The following BTBD10 variants were observed in gnomAD, a reference collection of about 807,000 sequenced individuals.
The protein encoded by BTBD10 is BTB domain containing 10.
In BTBD10, 21 loss-of-function variants were observed where a neutral mutation model predicts 53.2. The observed-to-expected ratio is 0.39, with a 90% CI of 0.28 to 0.57. The LOEUF (loss-of-function observed/expected upper bound fraction) is 0.57, where lower values mean the gene tolerates loss of function less well. BTBD10 is among the 20% of genes least tolerant of loss of function. The pLI, the probability that BTBD10 is intolerant of heterozygous loss-of-function variation, is 0.53. For synonymous variants in BTBD10, 149 were observed against 192.7 expected (o/e 0.77, Z 1.88); for missense variants, 360 against 594.7 (o/e 0.61, Z 4.10).
intron 8 of BTBD10, among the ~76,000 whole-genome samples, chr11:13,392,826 T>C (rs1238541585): frequency 2.0e-5 from 3 of 152,178 alleles, no homozygotes; most frequent in Non-Finnish European, 4.4e-5. Context: ...ATTTTAGAGT[T>C]TGTTGTCTTA....
intron 2 of BTBD10, among the ~76,000 whole-genome samples, chr11:13,432,709 A>G (rs898050220): frequency 1.1e-4 from 16 of 152,114 alleles, no homozygotes; most frequent in African/African-American, 3.9e-4. Flanking sequence ...AATAAGAAAA[A>G]GTTCTGAGAA....
At chr11:13,428,018 C>T (rs967216844) in intron 2 of BTBD10, among the ~76,000 whole-genome samples, 1 of 151,896 alleles carries the variant, frequency 6.6e-6, no homozygotes, top group Non-Finnish European at 1.5e-5. Flanking sequence ...TAAATTCCTA[C>T]ATTAGAAAAG....
At chr11:13,433,861 A>C (rs1038393931) in intron 2 of BTBD10, among the ~76,000 whole-genome samples, 1 of 152,164 alleles carries the variant, frequency 6.6e-6, no homozygotes, top group Non-Finnish European at 1.5e-5. Flanking sequence ...CAAACTTCTA[A>C]ATAGATTTAA....
At chr11:13,391,793 A>C (rs1024504319) in intron 8 of BTBD10, among the ~76,000 whole-genome samples, 3 of 152,186 alleles carry the variant, frequency 2.0e-5, no homozygotes, top group Non-Finnish European at 2.9e-5. Flanking sequence ...AAAATACAAA[A>C]ATTAGCTGGG....
chr11:13,436,608 G>GTTAA (rs1251889442), intron 2 of BTBD10, among the ~76,000 whole-genome samples: 3 of 152,198 alleles, frequency 2.0e-5, no homozygotes, highest in African/African-American at 7.2e-5. Flanking sequence ...AAATCATATA[G>GTTAA]TTAATTAAGT....
At chr11:13,453,529 G>A (rs903209619) in intron 1 of BTBD10, among the ~76,000 whole-genome samples, 4 of 152,178 alleles carry the variant, frequency 2.6e-5, no homozygotes, top group Non-Finnish European at 5.9e-5. Context: ...AGGTGATAGT[G>A]CTATAGAAAT....
At chr11:13,456,924 G>A (rs2134061678) in intron 1 of BTBD10, among the ~76,000 whole-genome samples, 1 of 152,248 alleles carries the variant, frequency 6.6e-6, no homozygotes, top group African/African-American at 2.4e-5. Flanking sequence ...ATTTTGGGAA[G>A]CTGAGGTGGA....
intron 2 of BTBD10, chr11:13,439,999 C>G: frequency 6.5e-7 from 1 of 1,534,670 alleles, no homozygotes; most frequent in Non-Finnish European, 8.7e-7. Flanking sequence ...AGGTCAGCAT[C>G]CTTGGGCATT....
intron 2 of BTBD10, among the ~76,000 whole-genome samples, chr11:13,422,635 C>T (rs966385655): frequency 6.6e-6 from 1 of 152,078 alleles, no homozygotes; most frequent in African/African-American, 2.4e-5. Context: ...GAGCAAGACT[C>T]TGTCTCAGGA....
Position 13,421,746 on chromosome 11 carries a change from C to T in BTBD10, c.194G>A (p.Arg65Gln), listed in dbSNP as rs760524210. 3.1e-6 allele frequency: 5 copies of T among 1,614,022 alleles called. No individual in the cohort carries two copies. Among genetic ancestry groups the T allele is most frequent in the East Asian group, 2.2e-5 (1 of 44,862 alleles). The part of the protein sequence containing the change: ...SGGHERSRDR[R>Q]RSSDRSRDSS... ...ATCTCGTGATCTGTCACTTGACCTT[C>T]GTCTATCTCTTGATCTCTCATGTCC... Residue 65 changes from arginine (R) to glutamine (Q), a missense_variant, in exon 3 of 9, where the codon CGA (arginine) becomes CAA (glutamine). Transcript: ENST00000278174.
intron 2 of BTBD10, among the ~76,000 whole-genome samples, chr11:13,438,673 G>C (rs1034889539): frequency 4.0e-5 from 6 of 151,510 alleles, no homozygotes; most frequent in Non-Finnish European, 5.9e-5. Context: ...GAAAAAACAG[G>C]TTATATGCCA....
At chr11:13,395,150 G>A (rs1238166130) in intron 8 of BTBD10, among the ~76,000 whole-genome samples, 2 of 148,450 alleles carry the variant, frequency 1.3e-5, no homozygotes, top group Admixed American at 6.9e-5. Flanking sequence ...CTAGTTTACA[G>A]TCCCACCAAC....
At chr11:13,426,697 C>T (rs527978500) in intron 2 of BTBD10, among the ~76,000 whole-genome samples, 1 of 151,404 alleles carries the variant, frequency 6.6e-6, no homozygotes, top group South Asian at 2.1e-4. Context: ...AAAGCAACCA[C>T]TAATATAAGA....
At chr11:13,392,868 T>C (rs1438913853) in intron 8 of BTBD10, among the ~76,000 whole-genome samples, 1 of 152,192 alleles carries the variant, frequency 6.6e-6, no homozygotes, top group Non-Finnish European at 1.5e-5. Flanking sequence ...TCTCAGCCAA[T>C]TACTCTGACA....
intron 2 of BTBD10, among the ~76,000 whole-genome samples, chr11:13,438,979 A>T (rs1228035748): frequency 1.3e-5 from 2 of 152,080 alleles, no homozygotes; most frequent in Non-Finnish European, 1.5e-5. Context: ...CTATATAAAT[A>T]AGTCATGACA....
intron 2 of BTBD10, chr11:13,439,779 T>G (rs929516495): frequency 6.0e-5 from 53 of 886,420 alleles, no homozygotes; most frequent in Non-Finnish European, 2.4e-5. Context: ...ATGTAAATGA[T>G]CATAATGAAA....
intron 1 of BTBD10, among the ~76,000 whole-genome samples, chr11:13,449,571 C>G (rs1056333722): frequency 3.3e-5 from 5 of 152,156 alleles, no homozygotes; most frequent in African/African-American, 1.2e-4. Flanking sequence ...GTGGCTTCAT[C>G]CAGCCTACTA....
intron 2 of BTBD10, among the ~76,000 whole-genome samples, chr11:13,438,472 G>A (rs1428836395): frequency 6.6e-6 from 1 of 151,928 alleles, no homozygotes; most frequent in Non-Finnish European, 1.5e-5. Context: ...GCGGATTGGT[G>A]AAATAAATTA....
intron 2 of BTBD10, chr11:13,440,255 C>T (rs1393571660): frequency 2.4e-6 from 3 of 1,233,120 alleles, no homozygotes; most frequent in South Asian, 1.7e-5. Context: ...GCAGCACTGA[C>T]GTTTCTAACA....
Sources: allele counts gnomAD v4.1 joint callset (sites outside exome capture counted in the v4.1 genomes callset), GRCh38; gene constraint gnomAD v4.1.1; transcripts MANE v1.5; gene names NCBI Gene and HGNC (gene_info 2026-07-23, HGNC 2026-07-21).